LETM1: variants seen among roughly 807,000 people sequenced by gnomAD.
The protein encoded by LETM1 is mitochondrial proton/calcium exchanger protein.
Under a neutral mutation model 74.5 loss-of-function variants are expected in LETM1, and 50 were observed. The ratio of observed to expected loss-of-function variants is 0.67; its 90% CI spans 0.53 to 0.85. The LOEUF is 0.85. Ranked by LOEUF, LETM1 falls within the 40% of genes least tolerant of loss-of-function variation. The pLI, the probability that LETM1 is intolerant of heterozygous loss-of-function variation, is 0.00. For missense variants in LETM1, 824 were observed against 967.8 expected, an observed-to-expected ratio of 0.85 and a Z score of 1.97; for synonymous variants, 446 against 407.1, an observed-to-expected ratio of 1.10 and a Z score of -1.15.
intron 13 of LETM1, 73 bp downstream of exon 13, chr4:1,815,591 T>C (rs1711544829): frequency 2.6e-6 from 4 of 1,564,178 alleles, no homozygotes; most frequent in African/African-American, 2.7e-5. Context: ...GGACATGCAA[T>C]GAACAGTCCC....
chr4:1,844,422 C>T (rs1165149427), intron 2 of LETM1, among the ~76,000 whole-genome samples: 5 of 152,152 alleles, frequency 3.3e-5, no homozygotes, highest in South Asian at 2.1e-4. Context: ...ATAATGTCCA[C>T]GATGTTCTCT....
chr4:1,831,690 C>T (rs952039680), intron 6 of LETM1, among the ~76,000 whole-genome samples: 1 of 152,238 alleles, frequency 6.6e-6, no homozygotes, highest in Non-Finnish European at 1.5e-5. Flanking sequence ...GGGCGGGATA[C>T]AGGCTCCCCA....
rs1712688349 is a variant in LETM1 at position 1,841,449 on chromosome 4, G to A, written c.492C>T (p.Tyr164=). ...GQRVLDELKH[Y]YHGFRLLWID... Reference sequence around the variant, plus strand: ...TCCATAGCAGGCGGAAGCCATGGTAGTAGTGCTTCAGCTCGTCCAGCACCC... The same window carrying A: ...TCCATAGCAGGCGGAAGCCATGGTAATAGTGCTTCAGCTCGTCCAGCACCC... Residue 164 remains tyrosine (Y), a synonymous_variant, in exon 3 of 14, where the codon TAC becomes TAT. Transcript: ENST00000302787. 2.5e-6 allele frequency: 4 copies of A among 1,614,142 alleles called. No homozygotes were observed. The East Asian group carries it at 8.9e-5, about 36-fold the overall frequency.
At chr4:1,821,829 G>A (rs1407052408) in intron 10 of LETM1, among the ~76,000 whole-genome samples, 4 of 152,176 alleles carry the variant, frequency 2.6e-5, no homozygotes, top group African/African-American at 7.2e-5. Flanking sequence ...CTACCTTGAG[G>A]GGCCACATTG....
intron 11 of LETM1, 83 bp from the exon 12 acceptor site, chr4:1,816,997 G>T: frequency 1.6e-6 from 2 of 1,215,620 alleles, no homozygotes; most frequent in Non-Finnish European, 1.2e-6. Context: ...TGTAATCCCA[G>T]TACTTTGCAA....
intron 3 of LETM1, among the ~76,000 whole-genome samples, chr4:1,838,489 C>T (rs1309252696): frequency 6.6e-6 from 1 of 152,024 alleles, no homozygotes; most frequent in Non-Finnish European, 1.5e-5. Context: ...CCAACCTTGG[C>T]AATATAGTGA....
intron 3 of LETM1, among the ~76,000 whole-genome samples, chr4:1,840,718 A>G (rs1282285477): frequency 6.6e-6 from 1 of 151,162 alleles, no homozygotes; most frequent in Non-Finnish European, 1.5e-5. Flanking sequence ...ATAAAAAAAA[A>G]ACGAAGCGGG....
chr4:1,816,993 C>G lies in LETM1; in HGVS notation c.1744-79G>C, dbSNP rs532754335. 475 of 1,241,124 alleles carry G rather than the reference C, an allele frequency of 3.8e-4. 4 individuals are homozygous for G. In the African/African-American group the frequency reaches 6.3e-3, roughly 16 times the overall value. The allele number at this position is 1,241,124 out of a possible 1,614,324, so 76.9% of individuals were successfully genotyped here. On this transcript the variant is annotated intron_variant, in intron 11 of 13. Coordinates refer to ENST00000302787, the MANE Select transcript of LETM1 (RefSeq NM_012318.3). Reference sequence around the variant, plus strand: ...AGGTGTAGTGGCTCACGCCTGTAATCCCAGTACTTTGCAAGGCCAAGGCGG... The same window carrying G: ...AGGTGTAGTGGCTCACGCCTGTAATGCCAGTACTTTGCAAGGCCAAGGCGG...
At chr4:1,849,258 T>A in intron 1 of LETM1, 49 bp from the exon 2 acceptor site, 1 of 1,316,238 alleles carries the variant, frequency 7.6e-7, no homozygotes, top group Non-Finnish European at 1.1e-6. Context: ...CAGGGATTTA[T>A]ACTGATACCT....
chr4:1,835,113 A>G, intron 4 of LETM1, 131 bp from the exon 5 acceptor site: 1 of 833,560 alleles, frequency 1.2e-6, no homozygotes, highest in Non-Finnish European at 1.8e-6. Context: ...ATCTAAGTGC[A>G]ATACATTCTC....
At chr4:1,852,625 GAAT>G (rs1314720718) in intron 1 of LETM1, among the ~76,000 whole-genome samples, 2 of 152,180 alleles carry the variant, frequency 1.3e-5, no homozygotes, top group Non-Finnish European at 2.9e-5. Flanking sequence ...CAGTGATAAC[GAAT>G]AACAGAAGAC....
intron 11 of LETM1, 29 bp from the exon 12 acceptor site, chr4:1,816,943 T>G (rs764876324): frequency 6.3e-7 from 1 of 1,596,400 alleles, no homozygotes; most frequent in Admixed American, 1.7e-5. Flanking sequence ...TTGTAAAAAG[T>G]TTGTCTTAAA....
intron 1 of LETM1, among the ~76,000 whole-genome samples, chr4:1,850,675 G>A (rs1446322090): frequency 3.6e-5 from 5 of 138,494 alleles, no homozygotes; most frequent in African/African-American, 1.1e-4. Context: ...AGAATTACTA[G>A]AACCACAGGC....
Position 1,855,928 on chromosome 4 carries a change from C to T in LETM1, c.23G>A (p.Ser8Asn), listed in dbSNP as rs1258346985. Residue 8 changes from serine to asparagine, a missense_variant, in exon 1 of 14, where the codon AGC becomes AAC. Around this residue, in one of 4 missense-constraint regions of LETM1, gnomAD observed 222 missense variants for 195.6 expected, o/e 1.14. Transcript: ENST00000302787. MASILLR[S>N]CRGRAPARLP... is the part of the protein sequence containing the mutation. ...GCGGGCGGGCGCCCGGCCGCGGCAG[C>T]TCCTCAGTAAGATGGACGCCATGTG... 1.6e-6 allele frequency: 2 copies of T among 1,236,530 alleles called. No homozygotes were observed. The highest frequency in any genetic ancestry group is 4.2e-5 in the Admixed American group (1 of 23,562). 76.6% of individuals were successfully genotyped at this position (1,236,530 alleles called of 1,614,324 possible). A position where few individuals can be genotyped will look rare whatever the true frequency, so the allele number is the denominator to read the frequency against.
intron 3 of LETM1, among the ~76,000 whole-genome samples, chr4:1,840,175 C>A (rs1051676805): frequency 6.6e-6 from 1 of 152,090 alleles, no homozygotes; most frequent in Middle Eastern, 3.2e-3. Flanking sequence ...GCCAGGAGTT[C>A]GAGAGCAGCC....
At chr4:1,840,997 C>A (rs770887779) in intron 3 of LETM1, among the ~76,000 whole-genome samples, 44 of 152,180 alleles carry the variant, frequency 2.9e-4, no homozygotes, top group Non-Finnish European at 6.2e-4. Context: ...GATTTTTATT[C>A]TCTACCAAAC....
In LETM1 at chr4:1,815,831, C is replaced by T. The variant is rs376633521; in HGVS notation, c.1932-29G>A. 277 of 1,609,212 alleles carry T rather than the reference C, an allele frequency of 1.7e-4. 1 individual carries two copies. The African/African-American group carries it at 3.4e-3, about 20-fold the overall frequency. On this transcript the variant is annotated intron_variant, in intron 12 of 13. Coordinates refer to ENST00000302787, the MANE Select transcript of LETM1 (RefSeq NM_012318.3). Reference sequence around the variant, plus strand: ...TGGAAGCACAGCCTGCATGTGGCCACGGGCAGGCGTCCTGCCACACAGGGC... The same window carrying T: ...TGGAAGCACAGCCTGCATGTGGCCATGGGCAGGCGTCCTGCCACACAGGGC...
chr4:1,855,765 G>A (rs1217080363), intron 1 of LETM1, 104 bp downstream of exon 1: 2 of 687,480 alleles, frequency 2.9e-6, no homozygotes, highest in Non-Finnish European at 4.0e-6. Context: ...CGGGACCACC[G>A]GGCTCCCCGC....
chr4:1,835,965 A>G (rs1277099584), intron 4 of LETM1, among the ~76,000 whole-genome samples: 1 of 152,170 alleles, frequency 6.6e-6, no homozygotes, highest in Non-Finnish European at 1.5e-5. Context: ...AGTCCCAGCT[A>G]TTCGGGAGCT....
Sources: gnomAD v4.1 joint callset for allele counts (sites outside exome capture counted in the v4.1 genomes callset) on GRCh38, gnomAD v4.1.1 for gene constraint, gnomAD v4.1.1 regional missense constraint, MANE v1.5 for transcripts, NCBI Gene and HGNC (gene_info 2026-07-23, HGNC 2026-07-21) for gene names.